NXPH2: variants seen among roughly 807,000 people sequenced by gnomAD.
NXPH2 encodes the protein neurexophilin-2.
NXPH2 carries 5 observed loss-of-function variants against 19.8 expected under a neutral mutation model. The ratio of observed to expected loss-of-function variants is 0.25; its 90% CI spans 0.13 to 0.53. NXPH2 has a LOEUF of 0.53. Among genes scored for constraint, NXPH2 ranks in the 20% least tolerant of loss-of-function variants. The probability of loss-of-function intolerance (pLI) is 0.96; values close to 1 mark genes in which losing one functional copy is unlikely to be tolerated. For missense variants in NXPH2, 289 were observed against 322.8 expected (o/e 0.90, Z 0.80); for synonymous variants, 154 against 127.4 (o/e 1.21, Z -1.41).
rs138593730 is a variant in NXPH2 at position 138,758,951 on chromosome 2, G to A, written c.51+21240C>T. ...ACAGATATAAAACTTATCATCTCAGGTCCTGAGGCAATTTTGCAGCCACCC... is the reference window on the plus strand; with the variant it reads ...ACAGATATAAAACTTATCATCTCAGATCCTGAGGCAATTTTGCAGCCACCC... On this transcript the variant is annotated intron_variant, in intron 1 of 1. Coordinates refer to ENST00000272641, the MANE Select transcript of NXPH2 (RefSeq NM_007226.3). Among the ~76,000 whole-genome samples, 1,434 of 152,190 alleles carry A rather than the reference G, an allele frequency of 9.4e-3. 69 individuals are homozygous for A. Among genetic ancestry groups the A allele is most frequent in the Admixed American group, 0.076 (1,154 of 15,282 alleles).
rs1038316960 is a variant in NXPH2, at chr2:138,780,087, C to T, written c.51+104G>A. ...TGCCCTCCGCGCGCCCCCAACCCCA[C>T]TTCCCAAGCAGGCCCAGGCTGGGCT... On this transcript the variant is annotated intron_variant, in intron 1 of 1. Transcript: ENST00000272641. 3 of 1,203,154 alleles carry T rather than the reference C, an allele frequency of 2.5e-6. No individual in the cohort carries two copies. In the African/African-American group the frequency reaches 4.9e-5, roughly 20 times the overall value. 74.5% of individuals were successfully genotyped at this position (1,203,154 alleles called of 1,614,324 possible).
rs556802185 is a variant in NXPH2, at chr2:138,693,732, A to C, written c.52-22067T>G. ...CTGAGTATAGAGACAGTAGGTAGGC[A>C]AACCGTGGCTTGGGAAAAGGATGAG... On this transcript the variant is annotated intron_variant, in intron 1 of 1. Transcript: ENST00000272641. Among the ~76,000 whole-genome samples, 6 of 152,266 alleles carry C rather than the reference A, an allele frequency of 3.9e-5. No individual in the cohort carries two copies. In the East Asian group the frequency reaches 1.2e-3, roughly 29 times the overall value.
At chr2:138,778,440 G>A (rs952318583) in intron 1 of NXPH2, among the ~76,000 whole-genome samples, 3 of 152,008 alleles carry the variant, frequency 2.0e-5, no homozygotes, top group African/African-American at 7.3e-5. Flanking sequence ...ATTCCTTACT[G>A]ACTATGGCGG....
chr2:138,766,013 A>G (rs2104841532), intron 1 of NXPH2, among the ~76,000 whole-genome samples: 1 of 152,350 alleles, frequency 6.6e-6, no homozygotes, highest in South Asian at 2.1e-4. Flanking sequence ...AACCTGACAC[A>G]AAACGAAATG....
intron 1 of NXPH2, among the ~76,000 whole-genome samples, chr2:138,701,852 T>A (rs1337536321): frequency 1.3e-5 from 2 of 152,138 alleles, no homozygotes; most frequent in Non-Finnish European, 2.9e-5. Context: ...GAATCTCCGC[T>A]TTGGTAGGTG....
intron 1 of NXPH2, among the ~76,000 whole-genome samples, chr2:138,694,085 A>G (rs772058279): frequency 3.3e-5 from 5 of 152,174 alleles, no homozygotes; most frequent in Non-Finnish European, 7.4e-5. Flanking sequence ...AAGACTTTCC[A>G]TCAAGGTAAA....
intron 1 of NXPH2, among the ~76,000 whole-genome samples, chr2:138,773,267 G>A (rs963318879): frequency 1.3e-5 from 2 of 152,168 alleles, no homozygotes; most frequent in African/African-American, 4.8e-5. Flanking sequence ...TCGAGACTAC[G>A]GAAAACACGC....
chr2:138,685,449 T>TA (rs1333669627), intron 1 of NXPH2, among the ~76,000 whole-genome samples: 2 of 152,228 alleles, frequency 1.3e-5, no homozygotes, highest in Non-Finnish European at 2.9e-5. Flanking sequence ...AGAACCTAGT[T>TA]ATAGATTCAC....
At chr2:138,690,366 C>T (rs1003969774) in intron 1 of NXPH2, among the ~76,000 whole-genome samples, 2 of 152,192 alleles carry the variant, frequency 1.3e-5, no homozygotes, top group African/African-American at 4.8e-5. Context: ...CAACCTGCTT[C>T]ACACGCAGCA....
intron 1 of NXPH2, among the ~76,000 whole-genome samples, chr2:138,696,199 G>C (rs1680827089): frequency 6.6e-6 from 1 of 152,086 alleles, no homozygotes; most frequent in Admixed American, 6.6e-5. Context: ...TAAAAAGTAT[G>C]ATACCCTTGA....
At chr2:138,780,160 G>T in intron 1 of NXPH2, 31 bp downstream of exon 1, 2 of 1,474,738 alleles carry the variant, frequency 1.4e-6, no homozygotes, top group Non-Finnish European at 1.8e-6. Flanking sequence ...CGTCCCCGGC[G>T]TGTGGGACGG....
intron 1 of NXPH2, among the ~76,000 whole-genome samples, chr2:138,761,582 GA>G (rs892581043): frequency 6.6e-6 from 1 of 152,138 alleles, no homozygotes; most frequent in Non-Finnish European, 1.5e-5. Flanking sequence ...AGATGATGTA[GA>G]AAATCCAAAA....
At position 138,758,467 on chromosome 2, in the gene NXPH2, A is replaced by T. The variant is rs147988415; in HGVS notation, c.51+21724T>A. On this transcript the variant is annotated intron_variant, in intron 1 of 1. Transcript: ENST00000272641. Reference sequence around the variant, plus strand: ...ATGACATTTTGACTTGCTCAAGGTCATCTAACTAATGGACAGGAAGAACCA... The same window carrying T: ...ATGACATTTTGACTTGCTCAAGGTCTTCTAACTAATGGACAGGAAGAACCA... Among the ~76,000 whole-genome samples, 31 of 152,300 alleles carry T rather than the reference A, an allele frequency of 2.0e-4. No individual in the cohort carries two copies. In the East Asian group the frequency reaches 5.8e-3, roughly 28 times the overall value.
chr2:138,776,275 T>C (rs746073932), intron 1 of NXPH2, among the ~76,000 whole-genome samples: 1 of 152,000 alleles, frequency 6.6e-6, no homozygotes, highest in African/African-American at 2.4e-5. Flanking sequence ...TTATTTAGCA[T>C]TACAATTACT....
chr2:138,707,984 C>T lies in NXPH2; in HGVS notation c.52-36319G>A, dbSNP rs144344076. Reference sequence around the variant, plus strand: ...GTCAAGCTGATTACTACAGATACTCCCTCCATTTCTCTCTTACTGAAATAA... The same window carrying T: ...GTCAAGCTGATTACTACAGATACTCTCTCCATTTCTCTCTTACTGAAATAA... On this transcript the variant is annotated intron_variant, in intron 1 of 1. Transcript: ENST00000272641. 4.0e-3 allele frequency among the ~76,000 whole-genome samples: 610 copies of T among 152,182 alleles called. 7 individuals are homozygous for T. Among genetic ancestry groups the T allele is most frequent in the African/African-American group, 0.013 (559 of 41,498 alleles).
At chr2:138,776,972 A>G (rs915494545) in intron 1 of NXPH2, among the ~76,000 whole-genome samples, 1 of 152,086 alleles carries the variant, frequency 6.6e-6, no homozygotes, top group Non-Finnish European at 1.5e-5. Context: ...TTTATTTTGT[A>G]AACTCAGCAT....
chr2:138,705,364 G>C (rs1210075513), intron 1 of NXPH2, among the ~76,000 whole-genome samples: 2 of 152,030 alleles, frequency 1.3e-5, no homozygotes, highest in East Asian at 3.9e-4. Context: ...AGTCATGTCT[G>C]AGGCATTTTG....
At chr2:138,702,829 G>T (rs1680951621) in intron 1 of NXPH2, among the ~76,000 whole-genome samples, 1 of 152,100 alleles carries the variant, frequency 6.6e-6, no homozygotes, top group African/African-American at 2.4e-5. Flanking sequence ...AGACAAATAA[G>T]CTTTAACAAT....
intron 1 of NXPH2, among the ~76,000 whole-genome samples, chr2:138,724,448 TTGTA>T (rs1165148827): frequency 6.6e-6 from 1 of 152,178 alleles, no homozygotes; most frequent in Non-Finnish European, 1.5e-5. Context: ...AATGGGGTGA[TTGTA>T]TGTGTGTGTG....
Sources: allele counts gnomAD v4.1 joint callset (sites outside exome capture counted in the v4.1 genomes callset), GRCh38; gene constraint gnomAD v4.1.1; transcripts MANE v1.5; gene names NCBI Gene and HGNC (gene_info 2026-07-23, HGNC 2026-07-21).